The following DOCK5 variants were observed in gnomAD, a reference collection of about 807,000 sequenced individuals.
The protein encoded by DOCK5 is dedicator of cytokinesis protein 5.
DOCK5 carries 142 observed loss-of-function variants against 251.8 expected under a neutral mutation model. That is an observed-to-expected ratio of 0.56 (90% CI 0.49 to 0.65). The LOEUF is 0.65. DOCK5 is among the 30% of genes least tolerant of loss of function. The probability of loss-of-function intolerance (pLI) is 0.00; values close to 1 mark genes in which losing one functional copy is unlikely to be tolerated. For missense variants in DOCK5, 2,111 were observed against 2,312.3 expected (o/e 0.91, Z 1.79); for synonymous variants, 842 against 835.5 (o/e 1.01, Z -0.13).
intron 1 of DOCK5, among the ~76,000 whole-genome samples, chr8:25,196,553 T>G (rs775318409): frequency 1.3e-5 from 2 of 152,224 alleles, no homozygotes; most frequent in Non-Finnish European, 2.9e-5. Context: ...ACTCAAACAT[T>G]AGTCTGTCTA....
chr8:25,324,728 T>A (rs1805516997), intron 17 of DOCK5, among the ~76,000 whole-genome samples: 1 of 152,166 alleles, frequency 6.6e-6, no homozygotes, highest in Non-Finnish European at 1.5e-5. Flanking sequence ...TGTGCCATGT[T>A]GGTGTGCTGC....
chr8:25,190,280 C>G (rs778233665), intron 1 of DOCK5, among the ~76,000 whole-genome samples: 7 of 152,168 alleles, frequency 4.6e-5, no homozygotes, highest in Non-Finnish European at 1.0e-4. Context: ...AAAATGAAAA[C>G]AGCCGTATTG....
rs1342662311 is a variant in DOCK5 at position 25,342,437 on chromosome 8, C to A, written c.2547C>A (p.Asp849Glu). Residue 849 changes from aspartate to glutamate, a missense_variant, in exon 25 of 52, where the codon GAC becomes GAA. Asp to Glu is a conservative substitution (Grantham distance 45, BLOSUM62 2). Around this residue, in one of 3 missense-constraint regions of DOCK5, gnomAD observed 1,717 missense variants for 1,892.4 expected, o/e 0.91. Transcript: ENST00000276440. ...LFCKFIQSIP[D>E]NQLVRQKLNC... is the part of the protein sequence containing the mutation. ...GCAAATTCATTCAAAGCATTCCTGACAACCAGCTGGTTCGGCAGAAACTTA... is the reference window on the plus strand; with the variant it reads ...GCAAATTCATTCAAAGCATTCCTGAAAACCAGCTGGTTCGGCAGAAACTTA... 2.5e-6 allele frequency: 4 copies of A among 1,601,032 alleles called. No individual in the cohort carries two copies. Among genetic ancestry groups the A allele is most frequent in the Non-Finnish European group, 3.4e-6 (4 of 1,172,910 alleles).
intron 1 of DOCK5, among the ~76,000 whole-genome samples, chr8:25,220,665 A>G (rs1325484270): frequency 6.6e-6 from 1 of 152,094 alleles, no homozygotes; most frequent in Admixed American, 6.6e-5. Context: ...AGGTTGGAGT[A>G]TAGTGGCGCA....
chr8:25,347,042 C>T (rs1586349501), intron 26 of DOCK5, among the ~76,000 whole-genome samples: 1 of 152,178 alleles, frequency 6.6e-6, no homozygotes, highest in Non-Finnish European at 1.5e-5. Context: ...GGTGTTCCCA[C>T]AGAACAGGAA....
chr8:25,364,327 G>A (rs555800504), intron 29 of DOCK5, among the ~76,000 whole-genome samples: 15 of 152,254 alleles, frequency 9.9e-5, no homozygotes, highest in African/African-American at 3.4e-4. Context: ...GATCATAATA[G>A]AGTCTATATA....
At chr8:25,241,477 C>CA (rs968335375) in intron 1 of DOCK5, among the ~76,000 whole-genome samples, 249 of 129,856 alleles carry the variant, frequency 1.9e-3, no homozygotes, top group Middle Eastern at 7.6e-3. Context: ...GACTCCGTCT[C>CA]AAAAAAAAAA....
chr8:25,333,656 A>G (rs1805733404), intron 20 of DOCK5, among the ~76,000 whole-genome samples: 1 of 152,146 alleles, frequency 6.6e-6, no homozygotes. Context: ...ACAAGAGGTA[A>G]TTGGGAGATA....
chr8:25,312,409 G>A (rs1554480188), intron 13 of DOCK5, among the ~76,000 whole-genome samples: 1 of 151,994 alleles, frequency 6.6e-6, no homozygotes, highest in Non-Finnish European at 1.5e-5. Context: ...GTTTTGTTTT[G>A]TTTTTTAAGT....
intron 27 of DOCK5, among the ~76,000 whole-genome samples, chr8:25,357,331 T>C (rs1353037571): frequency 6.6e-6 from 1 of 151,538 alleles, no homozygotes; most frequent in African/African-American, 2.4e-5. Context: ...TCAAAGGCCT[T>C]AGTACAATAA....
chr8:25,196,615 A>G (rs906399234), intron 1 of DOCK5, among the ~76,000 whole-genome samples: 1 of 152,222 alleles, frequency 6.6e-6, no homozygotes, highest in Non-Finnish European at 1.5e-5. Flanking sequence ...AGCTGAAAAT[A>G]TAAATTAATT....
intron 43 of DOCK5, 148 bp downstream of exon 43, chr8:25,392,128 C>T (rs1393907767): frequency 2.7e-6 from 2 of 729,736 alleles, no homozygotes; most frequent in Non-Finnish European, 2.2e-6. Flanking sequence ...ACGGTGAAAC[C>T]CCATCGGTAC....
intron 1 of DOCK5, among the ~76,000 whole-genome samples, chr8:25,207,250 A>T (rs1802022138): frequency 6.6e-6 from 1 of 152,238 alleles, no homozygotes. Context: ...GCCATAGCAT[A>T]GAAGTGCAAG....
chr8:25,359,753 C>G (rs1283136761), intron 28 of DOCK5, among the ~76,000 whole-genome samples: 1 of 152,246 alleles, frequency 6.6e-6, no homozygotes, highest in African/African-American at 2.4e-5. Flanking sequence ...GAAAAATTGT[C>G]TTTCCTGAAA....
intron 17 of DOCK5, among the ~76,000 whole-genome samples, chr8:25,324,419 C>T (rs897991053): frequency 6.6e-6 from 1 of 152,196 alleles, no homozygotes; most frequent in Non-Finnish European, 1.5e-5. Flanking sequence ...TTGTTCTTGC[C>T]TTCCAACTGA....
intron 15 of DOCK5, among the ~76,000 whole-genome samples, 181 bp from the exon 16 acceptor site, chr8:25,320,799 T>C (rs780444970): frequency 5.9e-5 from 9 of 152,244 alleles, no homozygotes; most frequent in Non-Finnish European, 7.3e-5. Context: ...AACAGCAAGA[T>C]GATCTGAGAT....
intron 26 of DOCK5, among the ~76,000 whole-genome samples, chr8:25,349,575 TACTC>T (rs774912341): frequency 4.6e-5 from 7 of 152,208 alleles, no homozygotes; most frequent in African/African-American, 7.2e-5. Flanking sequence ...CATGGAATAT[TACTC>T]ACTCATAAAA....
In DOCK5 at chr8:25,275,525, T is replaced by G. The variant is rs535648667; in HGVS notation, c.224+84T>G. 1.1e-4 allele frequency: 139 copies of G among 1,315,494 alleles called. No homozygotes were observed. In the African/African-American group the frequency reaches 2.0e-3, roughly 18 times the overall value. 81.5% of individuals were successfully genotyped at this position (1,315,494 alleles called of 1,614,324 possible). A position where few individuals can be genotyped will look rare whatever the true frequency, so the allele number is the denominator to read the frequency against. On this transcript the variant is annotated intron_variant, in intron 4 of 51. Transcript: ENST00000276440. The stretch of plus-strand genomic sequence containing the variant: ...TGATAATCTTTAGGCATTAATGCCT[T>G]ATGTACGTTAATAGTTCTCTCATCT...
At chr8:25,366,996 C>A in intron 31 of DOCK5, 26 bp downstream of exon 31, 1 of 1,577,150 alleles carries the variant, frequency 6.3e-7, no homozygotes, top group South Asian at 1.1e-5. Context: ...AAGTTAAGAT[C>A]GGGAAGGGGC....
Sources: gnomAD v4.1 joint callset for allele counts (sites outside exome capture counted in the v4.1 genomes callset) on GRCh38, gnomAD v4.1.1 for gene constraint, gnomAD v4.1.1 regional missense constraint, MANE v1.5 for transcripts, NCBI Gene and HGNC (gene_info 2026-07-23, HGNC 2026-07-21) for gene names.